The following BRAF variants were observed in gnomAD, a reference collection of about 807,000 sequenced individuals.
BRAF encodes the protein B-Raf proto-oncogene, serine/threonine kinase.
Under a neutral mutation model 104.6 loss-of-function variants are expected in BRAF, and 16 were observed. That is an observed-to-expected ratio of 0.15 (90% CI 0.10 to 0.23). The LOEUF (loss-of-function observed/expected upper bound fraction) is 0.23, where lower values mean the gene tolerates loss of function less well. Ranked by LOEUF, BRAF falls within the 10% of genes least tolerant of loss-of-function variation. The pLI, the probability that BRAF is intolerant of heterozygous loss-of-function variation, is 1.00. For synonymous variants in BRAF, 310 were observed against 341.6 expected, an observed-to-expected ratio of 0.91 and a Z score of 1.02; for missense variants, 541 against 937.3, an observed-to-expected ratio of 0.58 and a Z score of 5.52.
chr7:140,834,768 T>C lies in BRAF; in HGVS notation c.345A>G (p.Ala115=), dbSNP rs149547328. The change falls in exon 3 of 20, where the codon GCA becomes GCG. Residue 115 remains alanine, a synonymous_variant. Transcript: ENST00000644969. ...AAGAAGATGTAACGGTATCCATTGA[T>C]GCAGAGCTAGAAACAGAAAAATCAG... ...NGTDFSVSSS[A]SMDTVTSSSS... 9 of 1,614,194 alleles carry C rather than the reference T, an allele frequency of 5.6e-6. No homozygotes were observed. Among genetic ancestry groups the C allele is most frequent in the Non-Finnish European group, 7.6e-6 (9 of 1,180,010 alleles).
intron 1 of BRAF, among the ~76,000 whole-genome samples, chr7:140,879,427 G>GC (rs1171068049): frequency 1.3e-5 from 2 of 151,720 alleles, no homozygotes; most frequent in East Asian, 1.9e-4. Flanking sequence ...TGATCTGCCT[G>GC]CCTCAGCCTC....
chr7:140,916,210 A>C lies in BRAF; in HGVS notation c.138+8356T>G, dbSNP rs1407005993. Among the ~76,000 whole-genome samples, 3 of 152,218 alleles carry C rather than the reference A, an allele frequency of 2.0e-5. No homozygotes were observed. In the East Asian group the frequency reaches 5.8e-4, roughly 29 times the overall value. On this transcript the variant is annotated intron_variant, in intron 1 of 19. Coordinates refer to ENST00000644969, the MANE Select transcript of BRAF (RefSeq NM_001374258.1). Reference sequence around the variant, plus strand: ...ATTATTAAATGAAAATCATGATGAGAAACATCATTTTACACTGTAGGGATA... The same window carrying C: ...ATTATTAAATGAAAATCATGATGAGCAACATCATTTTACACTGTAGGGATA...
intron 3 of BRAF, among the ~76,000 whole-genome samples, chr7:140,815,262 T>C (rs773382589): frequency 2.8e-4 from 43 of 151,586 alleles, no homozygotes; most frequent in Non-Finnish European, 5.0e-4. Context: ...CTCAGCCTCC[T>C]GAGTAGCTGG....
At chr7:140,753,042 T>G (rs1797912241) in intron 16 of BRAF, among the ~76,000 whole-genome samples, 1 of 152,198 alleles carries the variant, frequency 6.6e-6, no homozygotes, top group African/African-American at 2.4e-5. Context: ...AAACACTGTT[T>G]ATAAGACATA....
chr7:140,910,494 A>G (rs1218723647), intron 1 of BRAF, among the ~76,000 whole-genome samples: 2 of 152,110 alleles, frequency 1.3e-5, no homozygotes, highest in Non-Finnish European at 2.9e-5. Context: ...TGAAATCCCA[A>G]GCACAATTCC....
intron 1 of BRAF, among the ~76,000 whole-genome samples, chr7:140,854,574 T>A (rs1037592633): frequency 1.3e-5 from 2 of 151,474 alleles, no homozygotes; most frequent in African/African-American, 4.9e-5. Context: ...AGAGAGAAAG[T>A]GGGGGAAAAT....
rs538233319 is a variant in BRAF, at chr7:140,790,344, C to G, written c.1141-2760G>C. On this transcript the variant is annotated intron_variant, in intron 8 of 19. Coordinates refer to ENST00000644969, the MANE Select transcript of BRAF (RefSeq NM_001374258.1). ...TCCTTGACAATCTTTTCTACTCATT[C>G]TAGGTTACAAAGGTTCTTCTAGCAT... 3.5e-4 allele frequency among the ~76,000 whole-genome samples: 54 copies of G among 152,258 alleles called. 1 individual carries two copies. Among genetic ancestry groups the G allele is most frequent in the African/African-American group, 1.2e-3 (50 of 41,560 alleles).
At chr7:140,755,465 A>G (rs1360941158) in intron 14 of BRAF, among the ~76,000 whole-genome samples, 2 of 152,314 alleles carry the variant, frequency 1.3e-5, no homozygotes, top group African/African-American at 2.4e-5. Flanking sequence ...AAACGTCCTC[A>G]TTCTTCCCAA....
chr7:140,716,222 T>C (rs1003780371), downstream of BRAF, among the ~76,000 whole-genome samples: 5 of 152,226 alleles, frequency 3.3e-5, no homozygotes, highest in African/African-American at 1.2e-4. Context: ...GCTGGTGTAA[T>C]GCTTCCAGAA....
At chr7:140,832,526 AAGAG>A (rs202017569) in intron 3 of BRAF, among the ~76,000 whole-genome samples, 1 of 152,198 alleles carries the variant, frequency 6.6e-6, no homozygotes, top group Non-Finnish European at 1.5e-5. Flanking sequence ...ATTCAGATAA[AAGAG>A]AGAATGGCAA....
intron 19 of BRAF, chr7:140,734,073 T>C (rs527278391): frequency 5.8e-5 from 60 of 1,036,768 alleles, no homozygotes; most frequent in Non-Finnish European, 6.7e-5. Context: ...ATTTTCCAAA[T>C]TGTTATAAAA....
chr7:140,830,391 G>A (rs1806595564), intron 3 of BRAF, among the ~76,000 whole-genome samples: 1 of 152,014 alleles, frequency 6.6e-6, no homozygotes, highest in Non-Finnish European at 1.5e-5. Context: ...CAACCCTTTG[G>A]CCTCCAACCC....
intron 14 of BRAF, among the ~76,000 whole-genome samples, chr7:140,762,175 T>A (rs1189453543): frequency 6.6e-6 from 1 of 152,096 alleles, no homozygotes; most frequent in Non-Finnish European, 1.5e-5. Context: ...AGAACAGAAA[T>A]TATAACAAAC....
At chr7:140,866,726 C>T (rs559749339) in intron 1 of BRAF, among the ~76,000 whole-genome samples, 3 of 151,824 alleles carry the variant, frequency 2.0e-5, no homozygotes, top group East Asian at 3.9e-4. Flanking sequence ...TAAGTCTTAA[C>T]GACCTAAGGC....
chr7:140,769,176 A>C (rs1304080604), intron 14 of BRAF, among the ~76,000 whole-genome samples: 2 of 151,730 alleles, frequency 1.3e-5, no homozygotes, highest in Non-Finnish European at 2.9e-5. Context: ...TCCTGGGTTC[A>C]AGCGATTCTG....
intron 2 of BRAF, among the ~76,000 whole-genome samples, chr7:140,840,597 C>G (rs561647608): frequency 2.0e-5 from 3 of 151,802 alleles, no homozygotes; most frequent in African/African-American, 7.3e-5. Context: ...TCGAGACCAG[C>G]CTGGGCAACA....
intron 4 of BRAF, 83 bp downstream of exon 4, chr7:140,808,809 T>C (rs982986432): frequency 1.3e-5 from 15 of 1,126,982 alleles, no homozygotes; most frequent in Non-Finnish European, 1.9e-5. Flanking sequence ...TCCCTAGGTT[T>C]TGGTAAAGAT....
chr7:140,811,650 T>C (rs1804276926), intron 3 of BRAF, among the ~76,000 whole-genome samples: 1 of 152,162 alleles, frequency 6.6e-6, no homozygotes, highest in Non-Finnish European at 1.5e-5. Flanking sequence ...TGGCTAAAAA[T>C]CTGCTTATCA....
chr7:140,782,179 G>GATAC, intron 11 of BRAF, among the ~76,000 whole-genome samples: 1 of 152,176 alleles, frequency 6.6e-6, no homozygotes, highest in East Asian at 1.9e-4. Context: ...CTGTCCTTGT[G>GATAC]ATACTTTGCT....
Sources: gnomAD v4.1 joint callset for allele counts (sites outside exome capture counted in the v4.1 genomes callset) on GRCh38, gnomAD v4.1.1 for gene constraint, MANE v1.5 for transcripts, NCBI Gene and HGNC (gene_info 2026-07-23, HGNC 2026-07-21) for gene names.